The following ARIH1 variants were observed in gnomAD, a reference collection of about 807,000 sequenced individuals.
ARIH1 encodes the protein E3 ubiquitin-protein ligase ARIH1.
ARIH1 carries 8 observed loss-of-function variants against 85.0 expected under a neutral mutation model. That is an observed-to-expected ratio of 0.09 (90% CI 0.06 to 0.17). The LOEUF (loss-of-function observed/expected upper bound fraction) is 0.17. ARIH1 is among the 10% of genes least tolerant of loss of function. The pLI is 1.00. For missense variants in ARIH1, 311 were observed against 718.1 expected (o/e 0.43, Z 6.48); for synonymous variants, 238 against 253.6 (o/e 0.94, Z 0.59).
chr15:72,474,493 C>T lies in ARIH1; in HGVS notation c.-147C>T, dbSNP rs901223640. 10 of 1,103,526 alleles carry T rather than the reference C, an allele frequency of 9.1e-6. No homozygotes were observed. In the African/African-American group the frequency reaches 1.7e-4, roughly 18 times the overall value. The allele number at this position is 1,103,526 out of a possible 1,614,324, so 68.4% of individuals were successfully genotyped here. The stretch of plus-strand genomic sequence containing the variant: ...CCACCAGCCGTCAAACGCCAACCGC[C>T]GCTCCTGGGGAGGAGCCGCGGCTCG... On this transcript the variant is annotated 5_prime_UTR_variant, in exon 1 of 14. Transcript: ENST00000379887.
In ARIH1 at chr15:72,474,650, A is replaced by G. The variant is rs2063785875; in HGVS notation, c.11A>G (p.Asp4Gly). 1 of 1,535,094 alleles carries G rather than the reference A, an allele frequency of 6.5e-7. No individual in the cohort carries two copies. The highest frequency in any genetic ancestry group is 8.8e-7 in the Non-Finnish European group (1 of 1,142,206). The stretch of plus-strand genomic sequence containing the variant: ...CCCGCGCGTCGCGCCATGGACTCGG[A>G]CGAGGGCTACAACTACGAGTTCGAC... Reference protein sequence around the residue: MDSDEGYNYEFDED... With the variant: MDSGEGYNYEFDED... The change falls in exon 1 of 14, where the codon GAC becomes GGC. Residue 4 changes from aspartate to glycine, a missense_variant. Asp to Gly is a moderately conservative substitution (Grantham distance 94, BLOSUM62 -1). Coordinates refer to ENST00000379887, the MANE Select transcript of ARIH1 (RefSeq NM_005744.5).
rs1163487180 is a variant in ARIH1 at position 72,591,473 on chromosome 15, C to CA, written c.*8182dup. 1 of 152,118 alleles carries CA rather than the reference C, an allele frequency of 6.6e-6. No homozygotes were observed. The highest frequency in any genetic ancestry group is 2.4e-5 in the African/African-American group (1 of 41,400). 9.4% of individuals were successfully genotyped at this position (152,118 alleles called of 1,614,324 possible). ...CAGTGAGGCTCTAGCTCTCTGGAGT[C>CA]AGTTGGTCAAGTGGGATTCCTGAGG... On this transcript the variant is annotated 3_prime_UTR_variant, in exon 14 of 14. Transcript: ENST00000379887.
intron 11 of ARIH1, among the ~76,000 whole-genome samples, chr15:72,577,405 G>A (rs991195297): frequency 6.6e-6 from 1 of 152,100 alleles, no homozygotes; most frequent in African/African-American, 2.4e-5. Flanking sequence ...GGGCCCAGTG[G>A]CTCACGCCTG....
rs71137306 is a variant in ARIH1, at chr15:72,594,811, C to CTTT, written c.*11544_*11546dup. ...TTTTTCTGATTTTATGCCTTTTCTTCTTTTTTTTTTTTTTTTTTTTTTTTT... is the reference window on the plus strand; with the variant it reads ...TTTTTCTGATTTTATGCCTTTTCTTCTTTTTTTTTTTTTTTTTTTTTTTTTTTT... On this transcript the variant is annotated 3_prime_UTR_variant, in exon 14 of 14. Transcript: ENST00000379887. 18 of 79,618 alleles carry CTTT rather than the reference C, an allele frequency of 2.3e-4. 3 individuals are homozygous for CTTT. Among genetic ancestry groups the CTTT allele is most frequent in the African/African-American group, 7.9e-4 (13 of 16,418 alleles). 4.9% of individuals were successfully genotyped at this position (79,618 alleles called of 1,614,324 possible).
chr15:72,577,804 A>C (rs1004347874), intron 11 of ARIH1, among the ~76,000 whole-genome samples: 1 of 152,200 alleles, frequency 6.6e-6, no homozygotes, highest in African/African-American at 2.4e-5. Flanking sequence ...AGGAAGTCGA[A>C]TGGGATTCAG....
At chr15:72,515,302 C>G (rs71397247) in intron 1 of ARIH1, among the ~76,000 whole-genome samples, 1 of 152,132 alleles carries the variant, frequency 6.6e-6, no homozygotes, top group Non-Finnish European at 1.5e-5. Flanking sequence ...TGCCATTGCA[C>G]TCCAGCCTGG....
At chr15:72,522,801 A>G (rs2064006231) in intron 2 of ARIH1, among the ~76,000 whole-genome samples, 1 of 152,242 alleles carries the variant, frequency 6.6e-6, no homozygotes, top group Admixed American at 6.5e-5. Flanking sequence ...AAAACTCAAC[A>G]GTAAGAAAAC....
At chr15:72,517,367 G>A (rs573057173) in intron 1 of ARIH1, among the ~76,000 whole-genome samples, 2 of 152,072 alleles carry the variant, frequency 1.3e-5, no homozygotes, top group Non-Finnish European at 1.5e-5. Context: ...CTCCTGAGTG[G>A]TTAGGACTAT....
chr15:72,532,193 G>A (rs1268976142), intron 2 of ARIH1, among the ~76,000 whole-genome samples: 1 of 149,064 alleles, frequency 6.7e-6, no homozygotes, highest in Non-Finnish European at 1.5e-5. Context: ...GACTGATAAC[G>A]TTGACACTTT....
In ARIH1 at chr15:72,499,513, T is replaced by A. The variant is rs368359886; in HGVS notation, c.376-18554T>A. ...TATCAAAATATTTTTGTCTTGTGATTATAACCAAATGTTATTAGTTCGCTT... is the reference window on the plus strand; with the variant it reads ...TATCAAAATATTTTTGTCTTGTGATAATAACCAAATGTTATTAGTTCGCTT... On this transcript the variant is annotated intron_variant, in intron 1 of 13. Transcript: ENST00000379887. Among the ~76,000 whole-genome samples, 5 of 152,356 alleles carry A rather than the reference T, an allele frequency of 3.3e-5. No homozygotes were observed. The East Asian group carries it at 9.6e-4, about 29-fold the overall frequency.
chr15:72,526,652 G>A (rs1372310750), intron 2 of ARIH1, among the ~76,000 whole-genome samples: 2 of 152,106 alleles, frequency 1.3e-5, no homozygotes, highest in Non-Finnish European at 2.9e-5. Context: ...TCTCACTTCA[G>A]TGCAGAGACT....
intron 8 of ARIH1, 22 bp from the exon 9 acceptor site, chr15:72,567,084 A>G (rs373375574): frequency 1.2e-4 from 197 of 1,584,970 alleles, no homozygotes; most frequent in Non-Finnish European, 1.6e-4. Flanking sequence ...GTTGTATCCT[A>G]ACCGTTGTTA....
chr15:72,474,501 G>T lies in ARIH1; in HGVS notation c.-139G>T, dbSNP rs1010316671. The T allele has an allele frequency of 4.3e-6, 5 of 1,162,328 alleles. No homozygotes were observed. The highest frequency in any genetic ancestry group is 5.7e-6 in the Non-Finnish European group (5 of 869,700). The allele number at this position is 1,162,328 out of a possible 1,614,324, so 72.0% of individuals were successfully genotyped here. Reference sequence around the variant, plus strand: ...CGTCAAACGCCAACCGCCGCTCCTGGGGAGGAGCCGCGGCTCGCGGGGCCG... The same window carrying T: ...CGTCAAACGCCAACCGCCGCTCCTGTGGAGGAGCCGCGGCTCGCGGGGCCG... On this transcript the variant is annotated 5_prime_UTR_variant, in exon 1 of 14. Coordinates refer to ENST00000379887, the MANE Select transcript of ARIH1 (RefSeq NM_005744.5).
At chr15:72,546,644 G>C (rs983172825) in intron 3 of ARIH1, among the ~76,000 whole-genome samples, 1 of 151,504 alleles carries the variant, frequency 6.6e-6, no homozygotes, top group Admixed American at 6.6e-5. Context: ...CACCATGTCT[G>C]GCTGATTTTT....
chr15:72,545,734 C>T (rs2064126018), intron 3 of ARIH1, among the ~76,000 whole-genome samples: 1 of 152,196 alleles, frequency 6.6e-6, no homozygotes. Context: ...GAGGCTGAGG[C>T]ATGAGAATTG....
intron 1 of ARIH1, among the ~76,000 whole-genome samples, chr15:72,491,267 C>T (rs1472379058): frequency 6.6e-6 from 1 of 151,890 alleles, no homozygotes; most frequent in Non-Finnish European, 1.5e-5. Context: ...TTCTGTATGC[C>T]TTTGTAAGGT....
At chr15:72,525,125 A>C (rs995374110) in intron 2 of ARIH1, among the ~76,000 whole-genome samples, 3 of 152,160 alleles carry the variant, frequency 2.0e-5, no homozygotes, top group Non-Finnish European at 4.4e-5. Flanking sequence ...TCCTGAACTC[A>C]AGTGATCTGC....
At chr15:72,540,683 A>G (rs1404509696) in intron 2 of ARIH1, among the ~76,000 whole-genome samples, 1 of 152,168 alleles carries the variant, frequency 6.6e-6, no homozygotes, top group Non-Finnish European at 1.5e-5. Context: ...TCCAAGCCAC[A>G]TGTAGTGGTG....
chr15:72,572,858 T>G (rs753240660), intron 11 of ARIH1, among the ~76,000 whole-genome samples: 2 of 152,172 alleles, frequency 1.3e-5, no homozygotes, highest in African/African-American at 4.8e-5. Context: ...GTGAGCTGAT[T>G]TGGTATGGAG....
Sources: allele counts gnomAD v4.1 joint callset (sites outside exome capture counted in the v4.1 genomes callset), GRCh38; gene constraint gnomAD v4.1.1; transcripts MANE v1.5; gene names NCBI Gene and HGNC (gene_info 2026-07-23, HGNC 2026-07-21).